Variants in COL15A1 observed in about 807,000 individuals in gnomAD.
COL15A1 encodes collagen alpha-1(XV) chain.
A neutral mutation model predicts 165.9 loss-of-function variants in COL15A1; 111 were observed. The observed-to-expected ratio is 0.67, with a 90% CI of 0.57 to 0.78. The LOEUF is 0.78. Among genes scored for constraint, COL15A1 ranks in the 30% least tolerant of loss-of-function variants. COL15A1 has a pLI of 0.00. For missense variants in COL15A1, 1,745 were observed against 1,789.7 expected (o/e 0.98, Z 0.45); for synonymous variants, 659 against 674.8 (o/e 0.98, Z 0.36).
chr9:98,991,263 C>A (rs900287734), intron 5 of COL15A1, among the ~76,000 whole-genome samples: 4 of 152,216 alleles, frequency 2.6e-5, no homozygotes, highest in African/African-American at 9.6e-5. Context: ...TATCTGACCC[C>A]CCCCCACATC....
intron 36 of COL15A1, among the ~76,000 whole-genome samples, chr9:99,060,256 A>ATTTTTT (rs57568579): frequency 1.5e-5 from 2 of 137,162 alleles, no homozygotes; most frequent in South Asian, 2.3e-4. Context: ...ATATATATAT[A>ATTTTTT]TTTTTTTTTT....
At chr9:98,987,046 T>G (rs1311113814) in intron 3 of COL15A1, among the ~76,000 whole-genome samples, 1 of 152,042 alleles carries the variant, frequency 6.6e-6, no homozygotes, top group African/African-American at 2.4e-5. Context: ...GTGTGCACAC[T>G]TGAACACAAT....
intron 41 of COL15A1, 83 bp downstream of exon 41, chr9:99,068,753 G>T (rs773573994): frequency 3.7e-6 from 3 of 801,274 alleles, no homozygotes; most frequent in Non-Finnish European, 6.0e-6. Context: ...TTTATCAGCT[G>T]CTTCTCTAGG....
Position 99,034,509 on chromosome 9 carries a change from T to C in COL15A1, c.2044-40T>C, listed in dbSNP as rs1041961900. On this transcript the variant is annotated intron_variant, in intron 16 of 41. Transcript: ENST00000375001. ...TCTTCAGAACACACCTCATGACATA[T>C]GCATTAATTGGTCCATGTTTTTGTT... The C allele has an allele frequency of 3.2e-6, 5 of 1,575,110 alleles. No individual in the cohort carries two copies. The African/African-American group carries it at 7.0e-5, about 22-fold the overall frequency.
intron 32 of COL15A1, 105 bp downstream of exon 32, chr9:99,054,761 A>C: frequency 1.6e-6 from 2 of 1,252,708 alleles, no homozygotes; most frequent in South Asian, 1.5e-5. Context: ...ATGACATTCC[A>C]CCCTGACCAC....
intron 4 of COL15A1, among the ~76,000 whole-genome samples, chr9:98,988,688 C>T (rs544635799): frequency 2.3e-4 from 35 of 152,186 alleles, no homozygotes; most frequent in South Asian, 1.5e-3. Context: ...TTTGGGAGGC[C>T]GAGGTGGGTG....
rs768302564 is a variant in COL15A1, at chr9:99,069,743, T to C, written c.4024T>C (p.Trp1342Arg). The C allele has an allele frequency of 4.3e-6, 7 of 1,614,236 alleles. No homozygotes were observed. In the South Asian group the frequency reaches 6.6e-5, roughly 15 times the overall value. Residue 1342 changes from tryptophan (W) to arginine (R), a missense_variant, in exon 42 of 42, where the codon TGG (tryptophan) becomes CGG (arginine). Trp to Arg is a moderately radical substitution (Grantham distance 101). Coordinates refer to ENST00000375001, the MANE Select transcript of COL15A1 (RefSeq NM_001855.5). Reference sequence around the variant, plus strand: ...CCTTGTGGATAACTACTGTGAAGCATGGCGAACCGCGGACACAGCGGTCAC... The same window carrying C: ...CCTTGTGGATAACTACTGTGAAGCACGGCGAACCGCGGACACAGCGGTCAC... ...VRLVDNYCEA[W>R]RTADTAVTGL...
chr9:98,966,448 C>A (rs1837959280), intron 2 of COL15A1, among the ~76,000 whole-genome samples: 1 of 152,214 alleles, frequency 6.6e-6, no homozygotes, highest in Non-Finnish European at 1.5e-5. Context: ...TACCTTGCCC[C>A]ATGGCCCCAG....
chr9:98,993,200 G>T (rs1383193382), intron 5 of COL15A1, among the ~76,000 whole-genome samples: 2 of 152,162 alleles, frequency 1.3e-5, no homozygotes, highest in African/African-American at 2.4e-5. Flanking sequence ...TAGACAAATT[G>T]CCCTGTGCAA....
At chr9:98,963,218 C>T (rs1013091651) in intron 2 of COL15A1, among the ~76,000 whole-genome samples, 7 of 152,196 alleles carry the variant, frequency 4.6e-5, no homozygotes, top group African/African-American at 1.7e-4. Flanking sequence ...CACAGTTCAC[C>T]ATTTATGCAC....
At chr9:99,017,509 G>T (rs747677338) in intron 11 of COL15A1, among the ~76,000 whole-genome samples, 21 of 152,202 alleles carry the variant, frequency 1.4e-4, no homozygotes, top group Non-Finnish European at 2.1e-4. Flanking sequence ...AGGAAAAAAG[G>T]TGAAGAACAA....
At chr9:99,040,401 C>G in intron 22 of COL15A1, 120 bp from the exon 23 acceptor site, 1 of 1,522,906 alleles carries the variant, frequency 6.6e-7, no homozygotes, top group Non-Finnish European at 9.0e-7. Context: ...CTGTGTCAAT[C>G]CGTCTTCCCA....
At chr9:99,004,335 C>T (rs1347133611) in intron 8 of COL15A1, among the ~76,000 whole-genome samples, 1 of 152,040 alleles carries the variant, frequency 6.6e-6, no homozygotes, top group Non-Finnish European at 1.5e-5. Flanking sequence ...GGGATGTGGC[C>T]AACAATGTCA....
chr9:98,991,450 A>C (rs921796679), intron 5 of COL15A1, among the ~76,000 whole-genome samples: 1 of 152,174 alleles, frequency 6.6e-6, no homozygotes, highest in African/African-American at 2.4e-5. Flanking sequence ...AGCTAGACAC[A>C]AAAGTTCTCC....
At chr9:99,003,731 A>T in intron 8 of COL15A1, 144 bp downstream of exon 8, 1 of 887,024 alleles carries the variant, frequency 1.1e-6, no homozygotes, top group Non-Finnish European at 1.6e-6. Context: ...GTAAGCACTA[A>T]ATAGCATTGA....
intron 25 of COL15A1, 26 bp downstream of exon 25, chr9:99,044,662 G>A: frequency 1.9e-6 from 3 of 1,612,298 alleles, no homozygotes; most frequent in South Asian, 1.1e-5. Flanking sequence ...GACCCTGCAG[G>A]CACATATCTG....
rs570550856 is a variant in COL15A1, at chr9:99,052,529, A to C, written c.2950+96A>C. 12 of 999,894 alleles carry C rather than the reference A, an allele frequency of 1.2e-5. No individual in the cohort carries two copies. The African/African-American group carries it at 1.6e-4, about 13-fold the overall frequency. The allele number at this position is 999,894 out of a possible 1,614,324, so 61.9% of individuals were successfully genotyped here. ...AGTGCAGGGCGCAGACTAGGTGGTCAGGAAGGTCTAACTGGATGCTGTAGG... is the reference window on the plus strand; with the variant it reads ...AGTGCAGGGCGCAGACTAGGTGGTCCGGAAGGTCTAACTGGATGCTGTAGG... On this transcript the variant is annotated intron_variant, in intron 31 of 41. Transcript: ENST00000375001.
intron 39 of COL15A1, among the ~76,000 whole-genome samples, chr9:99,065,509 T>C (rs1408929371): frequency 6.6e-6 from 1 of 151,714 alleles, no homozygotes; most frequent in Non-Finnish European, 1.5e-5. Context: ...CCTGTGATTG[T>C]GGTGGGTGGG....
At position 99,054,696 on chromosome 9, in the gene COL15A1, T is replaced by C. The variant is rs771822743; in HGVS notation, c.3031+40T>C. On this transcript the variant is annotated intron_variant, in intron 32 of 41. Transcript: ENST00000375001. The stretch of plus-strand genomic sequence containing the variant: ...GTTCTCAATCTTGCCTTTGATTTTT[T>C]GCTCCTGAGAACAAATGCGACTGAG... 4.4e-6 allele frequency: 7 copies of C among 1,586,480 alleles called. No homozygotes were observed. In the South Asian group the frequency reaches 4.6e-5, roughly 10 times the overall value.
Sources: allele counts gnomAD v4.1 joint callset (sites outside exome capture counted in the v4.1 genomes callset), GRCh38; gene constraint gnomAD v4.1.1; transcripts MANE v1.5; gene names NCBI Gene and HGNC (gene_info 2026-07-23, HGNC 2026-07-21).